CCDC40: variants seen among roughly 807,000 people sequenced by gnomAD.
The protein encoded by CCDC40 is coiled-coil domain 40 molecular ruler complex subunit, also known as coiled-coil domain-containing protein 40.
CCDC40 carries 104 observed loss-of-function variants against 124.5 expected under a neutral mutation model. The observed-to-expected ratio is 0.84, with a 90% CI of 0.71 to 0.98. CCDC40 has a LOEUF of 0.98. Among genes scored for constraint, CCDC40 ranks in the 50% least tolerant of loss-of-function variants. The pLI is 0.00. For missense variants in CCDC40, 1,463 were observed against 1,503.9 expected, an observed-to-expected ratio of 0.97 and a Z score of 0.45; for synonymous variants, 580 against 602.9, an observed-to-expected ratio of 0.96 and a Z score of 0.56.
At chr17:80,089,450 T>C (rs1370042485) in intron 16 of CCDC40, 2 of 362,240 alleles carry the variant, frequency 5.5e-6, no homozygotes, top group Non-Finnish European at 1.1e-5. Flanking sequence ...TACTTTTTCT[T>C]AAGTCAGCTT....
At chr17:80,036,853 G>T in intron 1 of CCDC40, 162 bp downstream of exon 1, 1 of 601,626 alleles carries the variant, frequency 1.7e-6, no homozygotes, top group Non-Finnish European at 2.7e-6. Context: ...GGCCTTTCCC[G>T]TCCACTGCGT....
chr17:80,065,678 C>T, intron 10 of CCDC40, 72 bp downstream of exon 10: 1 of 1,590,252 alleles, frequency 6.3e-7, no homozygotes, highest in South Asian at 1.1e-5. Context: ...CCCCACACCC[C>T]CTCTCTCTGG....
rs369114517 is a variant in CCDC40 at position 80,095,306 on chromosome 17, G to A, written c.2876G>A (p.Arg959His). ...CTGAAGCAGCAGGAGAAGATGATCC[G>A]TGCCATGGAGTTGGCGGTTGCCCGC... ...QLLKQQEKMIRAMELAVARRE... is the reference protein window; with the variant it reads ...QLLKQQEKMIHAMELAVARRE... Residue 959 changes from arginine (R) to histidine (H), a missense_variant, in exon 18 of 20, where the codon CGT becomes CAT. Arg to His is a conservative substitution (Grantham distance 29). Coordinates refer to ENST00000397545, the MANE Select transcript of CCDC40 (RefSeq NM_017950.4). 33 of 1,613,944 alleles carry A rather than the reference G, an allele frequency of 2.0e-5. No individual in the cohort carries two copies. Among genetic ancestry groups the A allele is most frequent in the African/African-American group, 1.2e-4 (9 of 74,948 alleles).
chr17:80,067,639 G>A (rs760280380), intron 10 of CCDC40: 4 of 1,536,198 alleles, frequency 2.6e-6, no homozygotes, highest in Middle Eastern at 1.7e-4. Context: ...GCGTCCGTCT[G>A]TTATGGCGGT....
rs377613873 is a variant in CCDC40 at position 80,048,699 on chromosome 17, G to A, written c.793G>A (p.Glu265Lys). 10 of 1,614,054 alleles carry A rather than the reference G, an allele frequency of 6.2e-6. No individual in the cohort carries two copies. The highest frequency in any genetic ancestry group is 3.3e-5 in the South Asian group (3 of 91,076). ...EGAMAERVESEGSDEEAEDEG... is the reference protein window; with the variant it reads ...EGAMAERVESKGSDEEAEDEG... ...GGCCATGGCAGAGAGAGTGGAGTCC[G>A]AGGGGAGTGACGAGGAAGCAGAAGA... The change falls in exon 5 of 20, where the codon GAG becomes AAG. Residue 265 changes from glutamate (E) to lysine (K), a missense_variant. Glu to Lys is a moderately conservative substitution (Grantham distance 56). Transcript: ENST00000397545.
At position 80,066,215 on chromosome 17, in the gene CCDC40, C is replaced by T; in HGVS notation, c.1562+609C>T. 1.4e-6 allele frequency: 1 copy of T among 702,730 alleles called. No individual in the cohort carries two copies. The highest frequency in any genetic ancestry group is 2.3e-4 in the Middle Eastern group (1 of 4,370). The allele number at this position is 702,730 out of a possible 1,614,324, so 43.5% of individuals were successfully genotyped here. A position where few individuals can be genotyped will look rare whatever the true frequency, so the allele number is the denominator to read the frequency against. ...CGCTGAGCTTTAACTTCCCCTCCACCTTTCGTAGTCTCCACCCCTTGTGCC... is the reference window on the plus strand; with the variant it reads ...CGCTGAGCTTTAACTTCCCCTCCACTTTTCGTAGTCTCCACCCCTTGTGCC... On this transcript the variant is annotated intron_variant, in intron 10 of 19. Coordinates refer to ENST00000397545, the MANE Select transcript of CCDC40 (RefSeq NM_017950.4). This position sits in a 1 kb window ranked among gnomAD's most constrained non-coding sequence, Gnocchi z 4.4.
chr17:80,091,127 T>A (rs1431682033), intron 17 of CCDC40, among the ~76,000 whole-genome samples: 1 of 152,198 alleles, frequency 6.6e-6, no homozygotes, highest in Non-Finnish European at 1.5e-5. Flanking sequence ...TGGCCCTACA[T>A]GGTTACTAAC....
At chr17:80,062,432 C>T (rs532122200) in intron 9 of CCDC40, among the ~76,000 whole-genome samples, 1 of 151,622 alleles carries the variant, frequency 6.6e-6, no homozygotes, top group South Asian at 2.1e-4. Context: ...TTAGGTATAT[C>T]TCCTAATGCT....
intron 3 of CCDC40, among the ~76,000 whole-genome samples, chr17:80,043,464 C>T (rs1028644199): frequency 1.3e-5 from 2 of 151,888 alleles, no homozygotes; most frequent in Non-Finnish European, 2.9e-5. Flanking sequence ...TGTACACAGA[C>T]ATTCGCTCAC....
At chr17:80,057,888 A>AC (rs397950746) in intron 7 of CCDC40, among the ~76,000 whole-genome samples, 2 of 151,656 alleles carry the variant, frequency 1.3e-5, no homozygotes, top group African/African-American at 4.9e-5. Context: ...AAAAAAAAAA[A>AC]GAAATCCATC....
At chr17:80,068,572 A>G (rs2038109417) in intron 10 of CCDC40, among the ~76,000 whole-genome samples, 1 of 152,156 alleles carries the variant, frequency 6.6e-6, no homozygotes, top group Admixed American at 6.5e-5. Flanking sequence ...AGAGCATCTT[A>G]GAAAATGGTG....
intron 10 of CCDC40, among the ~76,000 whole-genome samples, chr17:80,074,412 G>A (rs551841736): frequency 6.6e-6 from 1 of 152,294 alleles, no homozygotes; most frequent in Middle Eastern, 3.4e-3. Flanking sequence ...TTGAACCCAG[G>A]AGGCGGAGGT....
chr17:80,057,769 G>A lies in CCDC40; in HGVS notation c.1160-725G>A, dbSNP rs9916023. Among the ~76,000 whole-genome samples the A allele has an allele frequency of 4.0e-3, 601 of 152,062 alleles. 4 individuals are homozygous for A. Among genetic ancestry groups the A allele is most frequent in the African/African-American group, 0.014 (570 of 41,488 alleles). ...CGGGCGCCTGTAGTCCCAGCTACTC[G>A]GGAGGCTGAGGCAGGAGAATGGCGT... On this transcript the variant is annotated intron_variant, in intron 7 of 19. Coordinates refer to ENST00000397545, the MANE Select transcript of CCDC40 (RefSeq NM_017950.4).
intron 3 of CCDC40, chr17:80,040,500 G>A: frequency 1.8e-6 from 1 of 552,630 alleles, no homozygotes; most frequent in Non-Finnish European, 3.3e-6. Flanking sequence ...CCAACGTGGT[G>A]AAATCCTGTC....
At chr17:80,098,326 G>A (rs2038847905) in intron 19 of CCDC40, among the ~76,000 whole-genome samples, 2 of 152,256 alleles carry the variant, frequency 1.3e-5, no homozygotes, top group South Asian at 4.1e-4. Context: ...TGGGCACACA[G>A]AGGAGGGCGT....
chr17:80,099,683 C>T lies in CCDC40; in HGVS notation c.3337C>T (p.Arg1113Cys), dbSNP rs201250105. The T allele has an allele frequency of 4.1e-5, 66 of 1,613,752 alleles. No individual in the cohort carries two copies. The highest frequency in any genetic ancestry group is 5.2e-5 in the Non-Finnish European group (61 of 1,180,036). ...GGCTCTCATCGCCACCATCCTGGAC[C>T]GCGTGCGGGACGAGTACCCCCAGTT... ...RLALIATILD[R>C]VRDEYPQFQE... is the part of the protein sequence containing the mutation. The change falls in exon 20 of 20, where the codon CGC (arginine) becomes TGC (cysteine). Residue 1113 changes from arginine to cysteine, a missense_variant. Physicochemically the swap from Arg to Cys is radical, Grantham distance 180. Transcript: ENST00000397545.
At chr17:80,051,479 A>G (rs1234750185) in intron 7 of CCDC40, among the ~76,000 whole-genome samples, 5 of 151,132 alleles carry the variant, frequency 3.3e-5, no homozygotes, top group Non-Finnish European at 5.9e-5. Flanking sequence ...AATACAAAAA[A>G]TTAGCCGGGC....
chr17:80,079,924 C>CA (rs925770681), intron 10 of CCDC40, among the ~76,000 whole-genome samples: 238 of 141,870 alleles, frequency 1.7e-3, no homozygotes, highest in African/African-American at 4.3e-3. Context: ...GACTCTGTCT[C>CA]AAAAAAAAAA....
intron 12 of CCDC40, among the ~76,000 whole-genome samples, chr17:80,082,668 G>A (rs891980963): frequency 1.3e-5 from 2 of 152,254 alleles, no homozygotes; most frequent in East Asian, 3.9e-4. Context: ...TGAGGGGTGG[G>A]AAAGGAGCTG....
Sources: allele counts gnomAD v4.1 joint callset (sites outside exome capture counted in the v4.1 genomes callset), GRCh38; gene constraint gnomAD v4.1.1; non-coding constraint Gnocchi (gnomAD v3.1); transcripts MANE v1.5; gene names NCBI Gene and HGNC (gene_info 2026-07-23, HGNC 2026-07-21).